SGCZ: variants seen among roughly 807,000 people sequenced by gnomAD.
The protein encoded by SGCZ is sarcoglycan zeta, also known as zeta-sarcoglycan.
A neutral mutation model predicts 41.3 loss-of-function variants in SGCZ; 40 were observed. The ratio of observed to expected loss-of-function variants is 0.97; its 90% CI spans 0.75 to 1.26. The LOEUF (loss-of-function observed/expected upper bound fraction) is 1.26, where lower values mean the gene tolerates loss of function less well. Ranked by LOEUF, SGCZ falls within the 50% of genes most tolerant of loss-of-function variation. SGCZ has a pLI of 0.00. For missense variants in SGCZ, 552 were observed against 369.8 expected (o/e 1.49, Z -4.04); for synonymous variants, 206 against 137.5 (o/e 1.50, Z -3.49).
chr8:14,989,711 T>C (rs759019136), intron 1 of SGCZ, among the ~76,000 whole-genome samples: 4 of 152,208 alleles, frequency 2.6e-5, no homozygotes, highest in Non-Finnish European at 5.9e-5. Flanking sequence ...TTAGCTTTTC[T>C]GTCACGAGCA....
chr8:15,191,044 T>C (rs528288079), intron 1 of SGCZ, among the ~76,000 whole-genome samples: 11 of 152,146 alleles, frequency 7.2e-5, no homozygotes, highest in African/African-American at 2.7e-4. Context: ...AAGAATACAG[T>C]GTCAAAAAAT....
intron 3 of SGCZ, among the ~76,000 whole-genome samples, chr8:14,278,083 T>A (rs1800297962): frequency 6.6e-6 from 1 of 152,068 alleles, no homozygotes. Context: ...TTCCATAACT[T>A]TTCACTCCCA....
intron 1 of SGCZ, among the ~76,000 whole-genome samples, chr8:14,852,647 C>A (rs1010045666): frequency 6.6e-6 from 1 of 152,180 alleles, no homozygotes; most frequent in Non-Finnish European, 1.5e-5. Flanking sequence ...CCTATAGTCT[C>A]CCCTACAAAC....
chr8:14,508,999 G>T (rs999043718), intron 2 of SGCZ, among the ~76,000 whole-genome samples: 5 of 151,942 alleles, frequency 3.3e-5, no homozygotes, highest in Non-Finnish European at 5.9e-5. Flanking sequence ...TCAAATATAA[G>T]GTTTTTTAGT....
chr8:14,439,138 C>A lies in SGCZ; in HGVS notation c.235-114934G>T, dbSNP rs560930826. Among the ~76,000 whole-genome samples the A allele has an allele frequency of 6.6e-5, 10 of 151,850 alleles. No individual in the cohort carries two copies. The South Asian group carries it at 2.1e-3, about 31-fold the overall frequency. ...TTCCCCTATGGGCTCTGCCTTTGAC[C>A]GTGATACATTTGTTAAAGGGAAGAA... is the stretch of plus-strand genomic sequence containing the variant. On this transcript the variant is annotated intron_variant, in intron 2 of 7. Transcript: ENST00000382080.
chr8:14,337,790 T>A (rs1411162465), intron 2 of SGCZ, among the ~76,000 whole-genome samples: 5 of 152,060 alleles, frequency 3.3e-5, no homozygotes, highest in Non-Finnish European at 1.5e-5. Context: ...CTCCCCTGCA[T>A]GGGTCAGAGC....
intron 1 of SGCZ, among the ~76,000 whole-genome samples, chr8:15,005,328 C>CTTTTT (rs10603664): frequency 1.3e-4 from 10 of 78,722 alleles, no homozygotes; most frequent in Admixed American, 2.7e-4. Context: ...TTTTCTTTTT[C>CTTTTT]TTTTTTTTTT....
intron 1 of SGCZ, among the ~76,000 whole-genome samples, chr8:14,693,834 C>T (rs531904616): frequency 1.3e-3 from 202 of 152,082 alleles, no homozygotes; most frequent in Non-Finnish European, 2.4e-3. Flanking sequence ...TCAGGTGATC[C>T]GCCCACCTCA....
intron 3 of SGCZ, among the ~76,000 whole-genome samples, chr8:14,255,152 G>C (rs4360295): frequency 6.6e-6 from 1 of 151,900 alleles, no homozygotes; most frequent in African/African-American, 2.4e-5. Context: ...AAGTCACTAC[G>C]CTTATCAGCC....
chr8:14,173,613 G>A (rs900563786), intron 4 of SGCZ, among the ~76,000 whole-genome samples: 9 of 151,962 alleles, frequency 5.9e-5, no homozygotes, highest in African/African-American at 1.9e-4. Flanking sequence ...TAAATACAAC[G>A]TCCATGAGCC....
intron 1 of SGCZ, among the ~76,000 whole-genome samples, chr8:15,123,470 T>C (rs973836712): frequency 1.3e-5 from 2 of 152,214 alleles, no homozygotes; most frequent in Admixed American, 6.5e-5. Flanking sequence ...TCCTAGACTA[T>C]TAGACCAGAG....
chr8:14,533,406 G>C (rs1156499524), intron 2 of SGCZ, among the ~76,000 whole-genome samples: 1 of 151,808 alleles, frequency 6.6e-6, no homozygotes, highest in South Asian at 2.1e-4. Context: ...TTTAATTTTT[G>C]AAGAGTTTAT....
intron 3 of SGCZ, among the ~76,000 whole-genome samples, chr8:14,293,335 A>G (rs62497767): frequency 0.049 from 7,450 of 152,076 alleles, 282 homozygotes; most frequent in East Asian, 0.17. Flanking sequence ...TTTCATCTGC[A>G]TATAAAAGTA....
intron 4 of SGCZ, among the ~76,000 whole-genome samples, chr8:14,220,232 G>A (rs1806145048): frequency 1.3e-5 from 2 of 152,128 alleles, no homozygotes; most frequent in African/African-American, 4.8e-5. Flanking sequence ...GAGTAGAATG[G>A]ATAAATTGTA....
chr8:14,177,213 C>T (rs1278217459), intron 4 of SGCZ, among the ~76,000 whole-genome samples: 1 of 151,978 alleles, frequency 6.6e-6, no homozygotes, highest in Non-Finnish European at 1.5e-5. Context: ...GGGGACTGGG[C>T]ACCTATTGCA....
intron 1 of SGCZ, among the ~76,000 whole-genome samples, chr8:15,074,428 A>T (rs73665378): frequency 0.054 from 8,225 of 152,228 alleles, 249 homozygotes; most frequent in Non-Finnish European, 0.072. Flanking sequence ...TGGGCTCCTG[A>T]CTGCTGTAGG....
chr8:14,138,320 A>C (rs954043238), intron 5 of SGCZ, among the ~76,000 whole-genome samples: 6 of 152,196 alleles, frequency 3.9e-5, no homozygotes, highest in Non-Finnish European at 8.8e-5. Flanking sequence ...GATCAAATTC[A>C]AACATAACAT....
intron 1 of SGCZ, among the ~76,000 whole-genome samples, chr8:14,826,375 A>G (rs1165449510): frequency 9.9e-5 from 15 of 152,082 alleles, no homozygotes; most frequent in Non-Finnish European, 2.2e-4. Context: ...GCTATTGTGA[A>G]TAGTGCCGCA....
At chr8:14,782,030 G>C (rs1319547175) in intron 1 of SGCZ, among the ~76,000 whole-genome samples, 2 of 152,104 alleles carry the variant, frequency 1.3e-5, no homozygotes, top group Non-Finnish European at 2.9e-5. Context: ...TACTTGACTA[G>C]TTGCTGAGAA....
Sources: gnomAD v4.1 joint callset for allele counts (sites outside exome capture counted in the v4.1 genomes callset) on GRCh38, gnomAD v4.1.1 for gene constraint, MANE v1.5 for transcripts, NCBI Gene and HGNC (gene_info 2026-07-23, HGNC 2026-07-21) for gene names.